The following ZFHX3 variants were observed in gnomAD, a reference collection of about 807,000 sequenced individuals.
The protein encoded by ZFHX3 is zinc finger homeobox 3.
Under a neutral mutation model 279.1 loss-of-function variants are expected in ZFHX3, and 42 were observed. That is an observed-to-expected ratio of 0.15 (90% CI 0.12 to 0.19). ZFHX3 has a LOEUF of 0.19. ZFHX3 is among the 10% of genes least tolerant of loss of function. The pLI is 1.00. For synonymous variants in ZFHX3, 2,293 were observed against 1,957.8 expected, an observed-to-expected ratio of 1.17 and a Z score of -4.52; for missense variants, 4,981 against 4,754.0, an observed-to-expected ratio of 1.05 and a Z score of -1.40.
chr16:73,297,761 A>G (rs147876736), intron 4 of ZFHX3, among the ~76,000 whole-genome samples: 1 of 151,614 alleles, frequency 6.6e-6, no homozygotes, highest in Non-Finnish European at 1.5e-5. Context: ...AAGTTATAGA[A>G]CCTCTCTGAG....
In ZFHX3 at chr16:73,667,270, G is replaced by A. The variant is rs767105844; in HGVS notation, c.-1547+12910C>T. On this transcript the variant is annotated intron_variant, in intron 2 of 17. Transcript: ENST00000641206. ...CTCCCAAAGGGCTGTGATTACAGGC[G>A]TGAGCCACCACACCCAGCTGGATAT... Among the ~76,000 whole-genome samples the A allele has an allele frequency of 5.9e-5, 9 of 152,248 alleles. No individual in the cohort carries two copies. In the South Asian group the frequency reaches 6.2e-4, roughly 11 times the overall value.
At chr16:73,297,199 T>G (rs2014938188) in intron 4 of ZFHX3, among the ~76,000 whole-genome samples, 1 of 151,940 alleles carries the variant, frequency 6.6e-6, no homozygotes, top group African/African-American at 2.4e-5. Flanking sequence ...GATTAACCAT[T>G]TTTTAAGATA....
rs1597236873 is a variant in ZFHX3 at position 72,794,633 on chromosome 16, A to G, written c.8049T>C (p.Arg2683=). 1 of 1,614,108 alleles carries G rather than the reference A, an allele frequency of 6.2e-7. No homozygotes were observed. Among genetic ancestry groups the G allele is most frequent in the Non-Finnish European group, 8.5e-7 (1 of 1,180,018 alleles). ...TGTTCTGAAACCAGACTTGTACCAC[A>G]CGTTTCTTCAAGCCCACCTCGTGTG... is the stretch of plus-strand genomic sequence containing the variant. ...HIAHEVGLKK[R]VVQVWFQNTR... The change falls in exon 9 of 10, where the codon CGT becomes CGC. Residue 2683 remains arginine, a synonymous_variant. Transcript: ENST00000268489. This position sits in a 1 kb window ranked among gnomAD's most constrained non-coding sequence, Gnocchi z 4.2.
At chr16:73,160,658 T>C (rs1208252774) in intron 5 of ZFHX3, among the ~76,000 whole-genome samples, 1 of 152,156 alleles carries the variant, frequency 6.6e-6, no homozygotes, top group Non-Finnish European at 1.5e-5. Context: ...CAAGGTAGCA[T>C]CTTTCTTACC....
At position 72,890,080 on chromosome 16, in the gene ZFHX3, C is replaced by T. The variant is rs541422497; in HGVS notation, c.3217-118G>A. ...CATGCCTCCAGGGGACACATCTCCA[C>T]AGCCAAACAGGACAGTCTTTGATAT... On this transcript the variant is annotated intron_variant, in intron 3 of 9. Transcript: ENST00000268489. 7 of 831,070 alleles carry T rather than the reference C, an allele frequency of 8.4e-6. No homozygotes were observed. The African/African-American group carries it at 1.2e-4, about 14-fold the overall frequency. 51.5% of individuals were successfully genotyped at this position (831,070 alleles called of 1,614,324 possible).
intron 5 of ZFHX3, among the ~76,000 whole-genome samples, chr16:73,219,169 C>A (rs544437791): frequency 1.3e-5 from 2 of 152,274 alleles, no homozygotes; most frequent in East Asian, 1.9e-4. Flanking sequence ...ATGGATAGAT[C>A]ACATTTTGTT....
intron 1 of ZFHX3, among the ~76,000 whole-genome samples, chr16:73,820,883 G>C (rs1209081000): frequency 6.6e-6 from 1 of 151,748 alleles, no homozygotes; most frequent in Non-Finnish European, 1.5e-5. Context: ...TTTAGACTGA[G>C]ATTGATCAAA....
chr16:73,547,535 T>C (rs549351465), intron 2 of ZFHX3, among the ~76,000 whole-genome samples: 3 of 152,266 alleles, frequency 2.0e-5, no homozygotes, highest in South Asian at 2.1e-4. Flanking sequence ...TTGCTAATCC[T>C]AGAACTAGGT....
chr16:73,322,911 T>G (rs910797274), intron 3 of ZFHX3, among the ~76,000 whole-genome samples: 1 of 152,230 alleles, frequency 6.6e-6, no homozygotes. Context: ...AGTCTGCCAC[T>G]TGTTTTGTGT....
intron 1 of ZFHX3, among the ~76,000 whole-genome samples, chr16:73,801,549 G>A (rs756015400): frequency 1.3e-5 from 2 of 152,126 alleles, no homozygotes; most frequent in African/African-American, 4.8e-5. Context: ...TTTGAGTTTC[G>A]ACACTGCTGC....
chr16:73,627,410 C>T (rs2052427624), intron 2 of ZFHX3, among the ~76,000 whole-genome samples: 1 of 152,342 alleles, frequency 6.6e-6, no homozygotes, highest in Non-Finnish European at 1.5e-5. Context: ...TCCTAAACTT[C>T]ATCATGTCCT....
chr16:73,080,470 C>T (rs1330240534), intron 8 of ZFHX3, among the ~76,000 whole-genome samples: 2 of 152,234 alleles, frequency 1.3e-5, no homozygotes, highest in African/African-American at 2.4e-5. Flanking sequence ...CTATCTAAGA[C>T]ACTTTAATAA....
rs187861955 is a variant in ZFHX3 at position 73,129,217 on chromosome 16, G to A, written c.-897+1751C>T. 1.6e-4 allele frequency among the ~76,000 whole-genome samples: 24 copies of A among 152,108 alleles called. No homozygotes were observed. In the East Asian group the frequency reaches 1.7e-3, roughly 11 times the overall value. ...AGCCTGGCCAACACGGCGAAATCCC[G>A]TCTCTACTAAAAATACAAAAATTAG... On this transcript the variant is annotated intron_variant, in intron 7 of 17. Coordinates refer to the ZFHX3 transcript ENST00000641206.
At chr16:73,609,359 G>A (rs1034309878) in intron 2 of ZFHX3, 2 of 152,028 alleles carry the variant, frequency 1.3e-5, no homozygotes, top group African/African-American at 2.4e-5. Flanking sequence ...AGACAAATTC[G>A]AATATTTGAC....
intron 3 of ZFHX3, among the ~76,000 whole-genome samples, chr16:73,366,060 C>T (rs556811056): frequency 2.0e-5 from 3 of 152,250 alleles, no homozygotes; most frequent in South Asian, 4.2e-4. Context: ...GTTTTCTGCA[C>T]AGGCAGGAAG....
chr16:73,537,069 A>G (rs988586339), intron 2 of ZFHX3, among the ~76,000 whole-genome samples: 3 of 152,162 alleles, frequency 2.0e-5, no homozygotes, highest in African/African-American at 7.2e-5. Context: ...CTATTTCATC[A>G]CATGCTGGGC....
chr16:72,872,009 C>T (rs182420390), intron 4 of ZFHX3, among the ~76,000 whole-genome samples: 726 of 152,006 alleles, frequency 4.8e-3, no homozygotes, highest in Middle Eastern at 0.01. Context: ...GGCATGAACC[C>T]GGGAGTCGGA....
chr16:73,752,704 A>G (rs2053772226), intron 1 of ZFHX3, among the ~76,000 whole-genome samples: 1 of 152,062 alleles, frequency 6.6e-6, no homozygotes, highest in Admixed American at 6.6e-5. Flanking sequence ...CCCTAACAAA[A>G]CCATGTCGAC....
intron 5 of ZFHX3, among the ~76,000 whole-genome samples, chr16:73,151,122 CA>C (rs1422075232): frequency 6.6e-6 from 1 of 152,162 alleles, no homozygotes; most frequent in Non-Finnish European, 1.5e-5. Context: ...CAAATGTCCA[CA>C]ACACAAAAAT....
Sources: gnomAD v4.1 joint callset for allele counts (sites outside exome capture counted in the v4.1 genomes callset) on GRCh38, gnomAD v4.1.1 for gene constraint, Gnocchi (gnomAD v3.1) non-coding constraint, MANE v1.5 for transcripts, NCBI Gene and HGNC (gene_info 2026-07-23, HGNC 2026-07-21) for gene names.